Variants in GLDN observed in about 807,000 individuals in gnomAD.
GLDN encodes gliomedin, also known as collomin.
Under a neutral mutation model 56.5 loss-of-function variants are expected in GLDN, and 47 were observed. The observed-to-expected ratio is 0.83, with a 90% CI of 0.66 to 1.06. GLDN has a LOEUF of 1.06. Ranked by LOEUF, GLDN falls within the 50% of genes least tolerant of loss-of-function variation. The probability of loss-of-function intolerance (pLI) is 0.00; values close to 1 mark genes in which losing one functional copy is unlikely to be tolerated. For synonymous variants in GLDN, 332 were observed against 278.8 expected (o/e 1.19, Z -1.90); for missense variants, 782 against 714.3 (o/e 1.09, Z -1.08).
At chr15:51,388,341 C>T in intron 4 of GLDN, among the ~76,000 whole-genome samples, 1 of 152,138 alleles carries the variant, frequency 6.6e-6, no homozygotes, top group Non-Finnish European at 1.5e-5. Context: ...TGCTATTGCG[C>T]TAATGGTGTG....
rs944016924 is a variant in GLDN, at chr15:51,400,637, G to A, written c.1027+139G>A. 1.9e-5 allele frequency: 19 copies of A among 1,004,200 alleles called. No individual in the cohort carries two copies. The African/African-American group carries it at 3.1e-4, about 16-fold the overall frequency. The allele number at this position is 1,004,200 out of a possible 1,614,324, so 62.2% of individuals were successfully genotyped here. Reference sequence around the variant, plus strand: ...AATAAATGTCTCTTTATTTTAGAAAGACCAATAAGTGGGCAGAAAACTTTC... The same window carrying A: ...AATAAATGTCTCTTTATTTTAGAAAAACCAATAAGTGGGCAGAAAACTTTC... On this transcript the variant is annotated intron_variant, in intron 8 of 9. Transcript: ENST00000335449.
At chr15:51,395,760 T>TA (rs1350853711) in intron 5 of GLDN, among the ~76,000 whole-genome samples, 26 of 92,398 alleles carry the variant, frequency 2.8e-4, no homozygotes, top group Admixed American at 9.2e-4. Context: ...ATTTATATAT[T>TA]TAAAAAAAGG....
At chr15:51,389,928 C>T (rs984605060) in intron 4 of GLDN, among the ~76,000 whole-genome samples, 5 of 152,184 alleles carry the variant, frequency 3.3e-5, no homozygotes, top group African/African-American at 7.2e-5. Flanking sequence ...TATAAGACTA[C>T]CCTGATAAAG....
At chr15:51,353,610 G>A (rs2037115880) in intron 1 of GLDN, among the ~76,000 whole-genome samples, 1 of 150,980 alleles carries the variant, frequency 6.6e-6, no homozygotes, top group South Asian at 2.1e-4. Flanking sequence ...GGAAGGTAGA[G>A]CAAAAACAGG....
intron 2 of GLDN, among the ~76,000 whole-genome samples, chr15:51,382,603 G>A (rs1595825243): frequency 1.3e-5 from 2 of 151,666 alleles, no homozygotes; most frequent in East Asian, 3.9e-4. Context: ...GCGGGTGCCT[G>A]TAGTCCCAGC....
At chr15:51,362,460 G>T (rs1427308798) in intron 1 of GLDN, among the ~76,000 whole-genome samples, 1 of 149,458 alleles carries the variant, frequency 6.7e-6, no homozygotes, top group Admixed American at 6.7e-5. Context: ...ACTTCAGCCT[G>T]GGTGACAGAG....
At chr15:51,380,462 C>T (rs1263904723) in intron 2 of GLDN, among the ~76,000 whole-genome samples, 1 of 152,206 alleles carries the variant, frequency 6.6e-6, no homozygotes, top group Non-Finnish European at 1.5e-5. Context: ...CACATCATGG[C>T]ATTTGACATT....
chr15:51,364,125 T>C (rs1054762994), intron 1 of GLDN, among the ~76,000 whole-genome samples: 2 of 152,216 alleles, frequency 1.3e-5, no homozygotes, highest in Non-Finnish European at 2.9e-5. Context: ...ATAGTTTTAA[T>C]TGAATTTTGG....
chr15:51,384,051 C>A (rs978012897), intron 4 of GLDN, 159 bp downstream of exon 4: 3 of 699,594 alleles, frequency 4.3e-6, no homozygotes, highest in Non-Finnish European at 2.6e-6. Flanking sequence ...TTCCGGGATA[C>A]CAAGGGTATA....
downstream of GLDN, among the ~76,000 whole-genome samples, chr15:51,410,927 AC>A (rs1255272396): frequency 2.6e-5 from 4 of 152,120 alleles, no homozygotes; most frequent in Non-Finnish European, 5.9e-5. Flanking sequence ...TTCATTGAGG[AC>A]CCCAGGTTGG....
chr15:51,398,209 C>T (rs996833043), intron 6 of GLDN, among the ~76,000 whole-genome samples: 1 of 152,234 alleles, frequency 6.6e-6, no homozygotes, highest in Admixed American at 6.5e-5. Context: ...ACTGTAAAGT[C>T]CCAGCTCTCA....
At chr15:51,344,672 A>C (rs949936460) in intron 1 of GLDN, among the ~76,000 whole-genome samples, 2 of 152,174 alleles carry the variant, frequency 1.3e-5, no homozygotes, top group Non-Finnish European at 2.9e-5. Context: ...ATGTCCTTAG[A>C]GGTCTAGGAA....
At chr15:51,394,491 T>C (rs2038083050) in intron 4 of GLDN, among the ~76,000 whole-genome samples, 1 of 152,158 alleles carries the variant, frequency 6.6e-6, no homozygotes, top group Admixed American at 6.5e-5. Flanking sequence ...CTCACGCCTA[T>C]AATCCCAGCT....
intron 9 of GLDN, among the ~76,000 whole-genome samples, chr15:51,403,192 C>T (rs2038293101): frequency 6.6e-6 from 1 of 152,172 alleles, no homozygotes. Flanking sequence ...AGAAGCAGAG[C>T]TGAATTCGAC....
chr15:51,370,630 A>G (rs1297903484), intron 1 of GLDN, among the ~76,000 whole-genome samples: 1 of 117,264 alleles, frequency 8.5e-6, no homozygotes, highest in Non-Finnish European at 1.8e-5. Flanking sequence ...AAAAACACAG[A>G]AAAGTAAAAA....
rs1344359743 is a variant in GLDN at position 51,394,877 on chromosome 15, A to C, written c.584A>C (p.Lys195Thr). ...GGAAATCCAGGGGAAAGGGGAGAAA[A>C]GGGAGACCATGGTGAACTGGGCCTG... is the stretch of plus-strand genomic sequence containing the variant. ...AAGNPGERGE[K>T]GDHGELGLQG... The change falls in exon 5 of 10, where the codon AAG becomes ACG. Residue 195 changes from lysine (K) to threonine (T), a missense_variant. Coordinates refer to ENST00000335449, the MANE Select transcript of GLDN (RefSeq NM_181789.4). 1 of 1,613,524 alleles carries C rather than the reference A, an allele frequency of 6.2e-7. No individual in the cohort carries two copies.
At chr15:51,363,602 T>C (rs1374746155) in intron 1 of GLDN, among the ~76,000 whole-genome samples, 1 of 151,762 alleles carries the variant, frequency 6.6e-6, no homozygotes, top group African/African-American at 2.4e-5. Context: ...CACAGGCGAG[T>C]GGGAGGGAAA....
chr15:51,410,881 A>T (rs765627172), downstream of GLDN, among the ~76,000 whole-genome samples: 2 of 152,182 alleles, frequency 1.3e-5, no homozygotes, highest in African/African-American at 4.8e-5. Context: ...AGCCACTGAA[A>T]TGGGGCTTTG....
chr15:51,349,625 T>C (rs1477989014), intron 1 of GLDN, among the ~76,000 whole-genome samples: 2 of 152,252 alleles, frequency 1.3e-5, no homozygotes, highest in African/African-American at 4.8e-5. Flanking sequence ...GTTTGAATAG[T>C]TGCAGCAGAG....
Sources: gnomAD v4.1 joint callset for allele counts (sites outside exome capture counted in the v4.1 genomes callset) on GRCh38, gnomAD v4.1.1 for gene constraint, MANE v1.5 for transcripts, NCBI Gene and HGNC (gene_info 2026-07-23, HGNC 2026-07-21) for gene names.